Variants in CD200 observed in about 807,000 individuals in gnomAD.
The protein encoded by CD200 is OX-2 membrane glycoprotein.
A neutral mutation model predicts 30.9 loss-of-function variants in CD200; 15 were observed. The observed-to-expected ratio is 0.49, with a 90% CI of 0.32 to 0.75. The LOEUF (loss-of-function observed/expected upper bound fraction) is 0.75. Ranked by LOEUF, CD200 falls within the 30% of genes least tolerant of loss-of-function variation. The pLI is 0.03. For synonymous variants in CD200, 134 were observed against 126.2 expected (o/e 1.06, Z -0.41); for missense variants, 262 against 324.2 (o/e 0.81, Z 1.47).
chr3:112,352,540 TGAGAGAGAGA>T (rs3083141), intron 5 of CD200, among the ~76,000 whole-genome samples: 6 of 149,810 alleles, frequency 4.0e-5, no homozygotes, highest in African/African-American at 4.9e-5. Flanking sequence ...GAGGTGGAAC[TGAGAGAGAGA>T]GAGAGAGAGA....
intron 1 of CD200, chr3:112,333,428 G>A: frequency 1.0e-6 from 1 of 985,414 alleles, no homozygotes; most frequent in Non-Finnish European, 1.2e-6. Context: ...CCAAAGGGTG[G>A]TTTACAGGCA....
intron 1 of CD200, 24 bp from the exon 2 acceptor site, chr3:112,340,878 C>G: frequency 7.1e-7 from 1 of 1,412,652 alleles, no homozygotes; most frequent in Non-Finnish European, 1.0e-6. Flanking sequence ...ACCCCCATTT[C>G]TGTACTTTGC....
chr3:112,337,298 G>A (rs1007169529), intron 1 of CD200, among the ~76,000 whole-genome samples: 1 of 152,168 alleles, frequency 6.6e-6, no homozygotes, highest in African/African-American at 2.4e-5. Flanking sequence ...TGCTTCCGAA[G>A]AGGAGGATCT....
intron 2 of CD200, among the ~76,000 whole-genome samples, chr3:112,343,000 T>C (rs978271136): frequency 6.6e-6 from 1 of 152,180 alleles, no homozygotes; most frequent in Non-Finnish European, 1.5e-5. Flanking sequence ...TCTGTGTGTG[T>C]GTGCGTCTTA....
chr3:112,353,488 C>T (rs548819157), intron 5 of CD200, among the ~76,000 whole-genome samples: 1 of 152,164 alleles, frequency 6.6e-6, no homozygotes, highest in African/African-American at 2.4e-5. Flanking sequence ...CTTCTCTTCA[C>T]AATAACCTAA....
chr3:112,358,961 A>G (rs960622912), intron 5 of CD200, among the ~76,000 whole-genome samples: 1 of 152,210 alleles, frequency 6.6e-6, no homozygotes, highest in Non-Finnish European at 1.5e-5. Context: ...AAACGAAAGT[A>G]TATTCCTGAA....
intron 1 of CD200, among the ~76,000 whole-genome samples, chr3:112,338,513 G>A (rs1224270473): frequency 6.6e-6 from 1 of 152,136 alleles, no homozygotes; most frequent in Non-Finnish European, 1.5e-5. Context: ...TGGTGTTCAA[G>A]GTGGAAAGCA....
chr3:112,345,269 G>T lies in CD200; in HGVS notation c.402G>T (p.Thr134=), dbSNP rs79203724. ...TTGGTTTTGGGAAGATCTCAGGAAC[G>T]GCCTGCCTCACCGTCTATGGTGAGA... ...NTFGFGKISG[T]ACLTVYVQPI... Residue 134 remains threonine (T), a synonymous_variant, in exon 3 of 6, where the codon ACG becomes ACT. Coordinates refer to ENST00000315711, the MANE Select transcript of CD200 (RefSeq NM_005944.7). 2 of 1,613,138 alleles carry T rather than the reference G, an allele frequency of 1.2e-6. 1 individual carries two copies. Among genetic ancestry groups the T allele is most frequent in the South Asian group, 2.2e-5 (2 of 91,026 alleles).
rs756427311 is a variant in CD200 at position 112,361,559 on chromosome 3, C to CA, written c.*10dup. ...TTTATCCAGAGCCCTAAATAAGTCA[C>CA]ACAGCACCCTGAAAGTGATTCCCTG... On this transcript the variant is annotated 3_prime_UTR_variant, in exon 6 of 6. Transcript: ENST00000315711. 1.2e-6 allele frequency: 2 copies of CA among 1,608,656 alleles called. No individual in the cohort carries two copies. The highest frequency in any genetic ancestry group is 3.3e-5 in the Admixed American group (2 of 60,018).
At chr3:112,344,566 G>T (rs1380201542) in intron 2 of CD200, among the ~76,000 whole-genome samples, 1 of 152,134 alleles carries the variant, frequency 6.6e-6, no homozygotes, top group Non-Finnish European at 1.5e-5. Flanking sequence ...ACTTACAGTG[G>T]TCACTCTGCC....
intron 1 of CD200, chr3:112,336,051 G>A (rs1361143307): frequency 3.0e-6 from 4 of 1,323,490 alleles, no homozygotes; most frequent in South Asian, 2.3e-5. Flanking sequence ...AAGGGACTTG[G>A]TTAGTAACTT....
rs773031481 is a variant in CD200 at position 112,347,621 on chromosome 3, C to T, written c.485C>T (p.Ala162Val). 6.2e-7 allele frequency: 1 copy of T among 1,613,850 alleles called. No homozygotes were observed. Among genetic ancestry groups the T allele is most frequent in the African/African-American group, 1.3e-5 (1 of 74,892 alleles). The change falls in exon 4 of 6, where the codon GCC becomes GTC. Residue 162 changes from alanine (A) to valine (V), a missense_variant. Coordinates refer to ENST00000315711, the MANE Select transcript of CD200 (RefSeq NM_005944.7). ...SEDHLNITCS[A>V]TARPAPMVFW... ...GACCACCTAAATATCACTTGCTCTG[C>T]CACTGCCCGCCCAGCCCCCATGGTC...
At chr3:112,360,528 A>G (rs1207176705) in intron 5 of CD200, among the ~76,000 whole-genome samples, 1 of 152,144 alleles carries the variant, frequency 6.6e-6, no homozygotes, top group African/African-American at 2.4e-5. Context: ...AAAATGAATT[A>G]TGTTATTTTA....
chr3:112,336,242 G>C (rs1226682250), intron 1 of CD200, among the ~76,000 whole-genome samples: 1 of 152,118 alleles, frequency 6.6e-6, no homozygotes, highest in Non-Finnish European at 1.5e-5. Flanking sequence ...AATCCATTGA[G>C]TAGGAGGATA....
intron 1 of CD200, chr3:112,335,823 C>T: frequency 1.3e-6 from 1 of 773,116 alleles, no homozygotes; most frequent in South Asian, 1.4e-5. Context: ...GGTCTTCACC[C>T]AGACCATGAC....
chr3:112,350,523 A>C (rs1366821201), intron 5 of CD200, among the ~76,000 whole-genome samples: 1 of 152,230 alleles, frequency 6.6e-6, no homozygotes, highest in Non-Finnish European at 1.5e-5. Flanking sequence ...ATAAAACAAG[A>C]GACACTATAA....
intron 5 of CD200, among the ~76,000 whole-genome samples, chr3:112,356,944 C>A (rs1356949683): frequency 1.3e-5 from 2 of 152,062 alleles, no homozygotes; most frequent in Non-Finnish European, 2.9e-5. Flanking sequence ...AAGATTTAAA[C>A]GGGAATACAT....
intron 1 of CD200, among the ~76,000 whole-genome samples, chr3:112,338,986 A>C (rs1026298535): frequency 4.6e-5 from 7 of 152,200 alleles, no homozygotes; most frequent in Admixed American, 2.0e-4. Flanking sequence ...CTTTATTTTG[A>C]AAATGATGAT....
At chr3:112,347,438 G>A in intron 3 of CD200, 120 bp from the exon 4 acceptor site, 1 of 1,022,248 alleles carries the variant, frequency 9.8e-7, no homozygotes, top group South Asian at 1.5e-5. Context: ...GATATGCCAT[G>A]CTATCTTTCT....
Sources: allele counts gnomAD v4.1 joint callset (sites outside exome capture counted in the v4.1 genomes callset), GRCh38; gene constraint gnomAD v4.1.1; transcripts MANE v1.5; gene names NCBI Gene and HGNC (gene_info 2026-07-23, HGNC 2026-07-21).